Variants in DISC1 observed in about 807,000 individuals in gnomAD.
DISC1 encodes the protein disrupted in schizophrenia 1 protein.
A neutral mutation model predicts 84.5 loss-of-function variants in DISC1; 57 were observed. The ratio of observed to expected loss-of-function variants is 0.67; its 90% CI spans 0.55 to 0.84. DISC1 has a LOEUF of 0.84. Among genes scored for constraint, DISC1 ranks in the 40% least tolerant of loss-of-function variants. The pLI, the probability that DISC1 is intolerant of heterozygous loss-of-function variation, is 0.00. For missense variants in DISC1, 1,000 were observed against 1,057.8 expected (o/e 0.95, Z 0.76); for synonymous variants, 411 against 415.2 (o/e 0.99, Z 0.12).
Position 231,675,207 on chromosome 1 carries a change from T to C in DISC1, c.68-18619T>C, listed in dbSNP as rs1397426694. Among the ~76,000 whole-genome samples, 1 of 152,126 alleles carries C rather than the reference T, an allele frequency of 6.6e-6. No individual in the cohort carries two copies. Among genetic ancestry groups the C allele is most frequent in the Non-Finnish European group, 1.5e-5 (1 of 68,012 alleles). On this transcript the variant is annotated intron_variant, in intron 1 of 12. Transcript: ENST00000439617. The surrounding 1 kb of genome is among the most constrained non-coding windows in gnomAD (Gnocchi z 4.1). ...GAGACATCCATGTGTGTCCTGCTTA[T>C]TGGTCCTTAGGCTACTCCCGCCCGC...
At chr1:231,719,774 T>G (rs1218770968) in intron 3 of DISC1, among the ~76,000 whole-genome samples, 1 of 152,272 alleles carries the variant, frequency 6.6e-6, no homozygotes, top group Non-Finnish European at 1.5e-5. Context: ...ATAATCATTT[T>G]CTTAGATAAC....
rs746246110 is a variant in DISC1, at chr1:231,702,009, G to C, written c.1102G>C (p.Asp368His). ...ACTTCAGGAAGATGCAGTTGAGAAT[G>C]ATGATTATGATAAAGGTGAGTTTTA... ...QKLQEDAVEN[D>H]DYDKAETLQQ... The change falls in exon 3 of 13, where the codon GAT becomes CAT. Residue 368 changes from aspartate to histidine, a missense_variant. Physicochemically the swap from Asp to His is moderately conservative, Grantham distance 81 (BLOSUM62 -1). Transcript: ENST00000439617. 1 of 1,606,768 alleles carries C rather than the reference G, an allele frequency of 6.2e-7. No homozygotes were observed. Among genetic ancestry groups the C allele is most frequent in the Admixed American group, 1.7e-5 (1 of 58,978 alleles).
intron 3 of DISC1, among the ~76,000 whole-genome samples, chr1:231,717,640 A>G (rs185781579): frequency 2.0e-5 from 3 of 152,270 alleles, no homozygotes; most frequent in Admixed American, 6.5e-5. Flanking sequence ...GCAGCAGTGA[A>G]GAAGAGAGAT....
At chr1:231,760,343 A>AC (rs797010757) in intron 4 of DISC1, among the ~76,000 whole-genome samples, 32 of 152,238 alleles carry the variant, frequency 2.1e-4, no homozygotes, top group African/African-American at 7.2e-4. Flanking sequence ...ACTGGCCCAA[A>AC]CCCCTTCTTT....
rs896767016 is a variant in DISC1, at chr1:231,813,031, C to T, written c.1793-5298C>T. Among the ~76,000 whole-genome samples the T allele has an allele frequency of 2.0e-5, 3 of 152,134 alleles. No homozygotes were observed. The East Asian group carries it at 5.8e-4, about 29-fold the overall frequency. ...GTGCATTTTCCCAAGCCTTATCCCT[C>T]AGGATCAAAGAAAGGGCCTAGGCTT... is the stretch of plus-strand genomic sequence containing the variant. On this transcript the variant is annotated intron_variant, in intron 8 of 12. Transcript: ENST00000439617.
At chr1:231,915,247 G>A (rs1272176409) in intron 9 of DISC1, among the ~76,000 whole-genome samples, 1 of 152,116 alleles carries the variant, frequency 6.6e-6, no homozygotes, top group Non-Finnish European at 1.5e-5. Context: ...ATGGTTTCAG[G>A]GGATTGTGCA....
At chr1:232,019,768 C>T (rs1317847764) in intron 11 of DISC1, among the ~76,000 whole-genome samples, 1 of 152,106 alleles carries the variant, frequency 6.6e-6, no homozygotes, top group African/African-American at 2.4e-5. Flanking sequence ...TCCCATGTGC[C>T]CGCTTGCTTT....
intron 9 of DISC1, among the ~76,000 whole-genome samples, chr1:231,926,699 A>G (rs2090377697): frequency 6.6e-6 from 1 of 152,232 alleles, no homozygotes; most frequent in Admixed American, 6.5e-5. Context: ...GCACTTTTAC[A>G]AGCAATAGAA....
chr1:231,797,664 T>C (rs1463290937), intron 7 of DISC1, among the ~76,000 whole-genome samples: 19 of 152,168 alleles, frequency 1.2e-4, no homozygotes, highest in Admixed American at 1.2e-3. Context: ...CCTTGGGAGT[T>C]AGACTTTCAA....
At chr1:231,671,845 A>G (rs2062654324) in intron 1 of DISC1, among the ~76,000 whole-genome samples, 1 of 152,228 alleles carries the variant, frequency 6.6e-6, no homozygotes, top group African/African-American at 2.4e-5. Flanking sequence ...GGTTAGTAAT[A>G]GCACTGCTAT....
chr1:231,671,451 T>C (rs527462954), intron 1 of DISC1, among the ~76,000 whole-genome samples: 2 of 152,224 alleles, frequency 1.3e-5, no homozygotes, highest in South Asian at 2.1e-4. Flanking sequence ...CAGGCATCAG[T>C]TGGCCTATGG....
At chr1:231,774,791 C>A (rs1210618314) in intron 6 of DISC1, 1 of 455,820 alleles carries the variant, frequency 2.2e-6, no homozygotes, top group Non-Finnish European at 4.4e-6. Context: ...TTGAAAGAAA[C>A]CAGTGTAGAA....
intron 1 of DISC1, among the ~76,000 whole-genome samples, chr1:231,676,173 C>A (rs184747460): frequency 1.1e-3 from 168 of 152,326 alleles, no homozygotes; most frequent in Middle Eastern, 3.4e-3. Flanking sequence ...ACTCCTTTCT[C>A]TTTGTTTAGT....
At chr1:231,687,916 C>T (rs10429978) in intron 1 of DISC1, among the ~76,000 whole-genome samples, 57,358 of 151,236 alleles carry the variant, frequency 0.38, 11,264 homozygotes, top group African/African-American at 0.49. Context: ...CATTGAAACA[C>T]GGTAAAAATG....
chr1:231,761,935 C>CTG (rs5781668), intron 4 of DISC1, among the ~76,000 whole-genome samples: 129,010 of 151,976 alleles, frequency 0.85, 55,015 homozygotes, highest in Middle Eastern at 0.93. Context: ...GAACGAGTAA[C>CTG]TGCAAACAGG....
intron 3 of DISC1, among the ~76,000 whole-genome samples, chr1:231,744,428 A>G (rs2073730008): frequency 6.6e-6 from 1 of 152,218 alleles, no homozygotes; most frequent in South Asian, 2.1e-4. Flanking sequence ...TTCTTTGGGC[A>G]TTGGATTTTG....
intron 9 of DISC1, among the ~76,000 whole-genome samples, chr1:231,824,688 G>A (rs986220422): frequency 6.6e-6 from 1 of 152,116 alleles, no homozygotes; most frequent in African/African-American, 2.4e-5. Context: ...GCCTGGATTA[G>A]GATGTAGGGG....
intron 10 of DISC1, among the ~76,000 whole-genome samples, chr1:231,996,857 T>C (rs1666028687): frequency 1.3e-5 from 2 of 152,208 alleles, no homozygotes; most frequent in African/African-American, 4.8e-5. Context: ...GCTAGCTGCC[T>C]CATTACTGGT....
rs2074993020 is a variant in DISC1, at chr1:231,755,155, A to G, written c.1268+5079A>G. Among the ~76,000 whole-genome samples the G allele has an allele frequency of 2.0e-5, 3 of 151,918 alleles. No individual in the cohort carries two copies. In the South Asian group the frequency reaches 6.2e-4, roughly 32 times the overall value. ...TTTCACCCTTCCTGGTCTTCTTGCT[A>G]CATTTCTGGCCATTCTTCTTAATGT... On this transcript the variant is annotated intron_variant, in intron 4 of 12. Transcript: ENST00000439617.
Sources: allele counts gnomAD v4.1 joint callset (sites outside exome capture counted in the v4.1 genomes callset), GRCh38; gene constraint gnomAD v4.1.1; non-coding constraint Gnocchi (gnomAD v3.1); transcripts MANE v1.5; gene names NCBI Gene and HGNC (gene_info 2026-07-23, HGNC 2026-07-21).